ARVCF: variants seen among roughly 807,000 people sequenced by gnomAD.
ARVCF encodes the protein splicing regulator ARVCF.
In ARVCF, 66 loss-of-function variants were observed where a neutral mutation model predicts 90.9. The observed-to-expected ratio is 0.73, with a 90% CI of 0.60 to 0.89. ARVCF has a LOEUF of 0.89. Ranked by LOEUF, ARVCF falls within the 40% of genes least tolerant of loss-of-function variation. ARVCF has a pLI of 0.00. For synonymous variants in ARVCF, 653 were observed against 603.4 expected, an observed-to-expected ratio of 1.08 and a Z score of -1.21; for missense variants, 1,469 against 1,382.3, an observed-to-expected ratio of 1.06 and a Z score of -1.00.
At chr22:19,982,150 G>C in intron 3 of ARVCF, 59 bp from the exon 4 acceptor site, 22 of 1,587,932 alleles carry the variant, frequency 1.4e-5, no homozygotes, top group Non-Finnish European at 1.9e-5. Context: ...CTGGAGTGCA[G>C]GTCTCCACAC....
At chr22:20,007,292 C>G (rs927797859) in intron 2 of ARVCF, among the ~76,000 whole-genome samples, 1 of 152,164 alleles carries the variant, frequency 6.6e-6, no homozygotes, top group South Asian at 2.1e-4. Flanking sequence ...ATCCCAGCTA[C>G]TCGGGAGGTT....
chr22:19,975,388 G>A (rs958650144), intron 11 of ARVCF, among the ~76,000 whole-genome samples: 14 of 152,290 alleles, frequency 9.2e-5, no homozygotes, highest in South Asian at 8.3e-4. Flanking sequence ...CACTGGAGGC[G>A]TCCCTCCAAA....
chr22:20,014,612 C>T (rs866450635), intron 1 of ARVCF, among the ~76,000 whole-genome samples: 4 of 152,230 alleles, frequency 2.6e-5, no homozygotes. Context: ...CAGTGCTGTC[C>T]CTGGACCCCC....
At chr22:20,003,961 C>T (rs1027909787) in intron 2 of ARVCF, among the ~76,000 whole-genome samples, 10 of 151,780 alleles carry the variant, frequency 6.6e-5, no homozygotes, top group Non-Finnish European at 1.5e-4. Flanking sequence ...TATATAAAAC[C>T]GTAAAGATTC....
chr22:20,005,358 T>A (rs1277001425), intron 2 of ARVCF, among the ~76,000 whole-genome samples: 1 of 148,062 alleles, frequency 6.8e-6, no homozygotes, highest in African/African-American at 2.5e-5. Flanking sequence ...TTACACCTAT[T>A]AGGATGGCTA....
At chr22:19,968,007 G>A (rs1322507423), downstream of ARVCF, among the ~76,000 whole-genome samples, 1 of 152,202 alleles carries the variant, frequency 6.6e-6, no homozygotes, top group African/African-American at 2.4e-5. Context: ...TGAAGATGGG[G>A]GGTCTGCAAA....
chr22:20,014,150 G>C (rs1944937785), intron 1 of ARVCF, among the ~76,000 whole-genome samples: 1 of 150,896 alleles, frequency 6.6e-6, no homozygotes, highest in Admixed American at 6.6e-5. Context: ...AAAGTGCTGG[G>C]ATTACAGGTA....
intron 2 of ARVCF, among the ~76,000 whole-genome samples, chr22:19,998,157 G>A (rs1944321199): frequency 6.6e-6 from 1 of 152,250 alleles, no homozygotes; most frequent in Admixed American, 6.5e-5. Flanking sequence ...CCACCAGGCT[G>A]AGGGGCCTCA....
chr22:19,980,602 A>C, intron 5 of ARVCF: 3 of 237,886 alleles, frequency 1.3e-5, no homozygotes, highest in Non-Finnish European at 2.4e-5. Flanking sequence ...CCTTCCACAA[A>C]ACCACCCCAT....
intron 19 of ARVCF, 75 bp from the exon 20 acceptor site, chr22:19,970,818 C>T: frequency 7.8e-7 from 1 of 1,289,218 alleles, no homozygotes; most frequent in African/African-American, 1.5e-5. Context: ...CAGGGCAGGG[C>T]AGCCAACTCC....
rs772873012 is a variant in ARVCF at position 19,972,422 on chromosome 22, G to T, written c.2642-11C>A. 2.4e-5 allele frequency: 39 copies of T among 1,613,316 alleles called. No homozygotes were observed. The highest frequency in any genetic ancestry group is 3.3e-5 in the Non-Finnish European group (39 of 1,179,926). ...CAGTTTTCTCGCCCTCTGCAAGGCA[G>T]GAGGAGGAGACGGGCTGCATGTGGC... On this transcript the variant is annotated splice_polypyrimidine_tract_variant and intron_variant, in intron 16 of 19. Coordinates refer to ENST00000263207, the MANE Select transcript of ARVCF (RefSeq NM_001670.3).
chr22:19,973,431 G>C (rs1942960899), intron 13 of ARVCF, 114 bp from the exon 14 acceptor site: 2 of 1,344,182 alleles, frequency 1.5e-6, no homozygotes, highest in Non-Finnish European at 2.0e-6. Context: ...GACCGCCTGT[G>C]TGCAGGCGGT....
intron 2 of ARVCF, among the ~76,000 whole-genome samples, chr22:20,003,049 C>A (rs1944499206): frequency 6.6e-6 from 1 of 152,088 alleles, no homozygotes; most frequent in Non-Finnish European, 1.5e-5. Context: ...TTTTCCTTTT[C>A]TTTGTATAAC....
chr22:20,003,682 T>A (rs1944521492), intron 2 of ARVCF, among the ~76,000 whole-genome samples: 1 of 152,154 alleles, frequency 6.6e-6, no homozygotes, highest in Non-Finnish European at 1.5e-5. Context: ...TAGTCTGTCA[T>A]GATAAAAACA....
chr22:19,980,173 C>T lies in ARVCF; in HGVS notation c.966G>A (p.Thr322=), dbSNP rs574378648. ...ADERPAFPMV[T]APLAQPERGS... is the part of the protein sequence containing the mutation. ...CCCGTTCAGGCTGGGCCAGGGGCGC[C>T]GTCACCATTGGGAACGCAGGCCGCT... Residue 322 remains threonine, a synonymous_variant, in exon 6 of 20, where the codon ACG becomes ACA. Coordinates refer to ENST00000263207, the MANE Select transcript of ARVCF (RefSeq NM_001670.3). 11 of 1,578,286 alleles carry T rather than the reference C, an allele frequency of 7.0e-6. No individual in the cohort carries two copies. Among genetic ancestry groups the T allele is most frequent in the African/African-American group, 2.7e-5 (2 of 74,340 alleles).
At chr22:19,978,860 T>C (rs1943313761) in intron 7 of ARVCF, 37 bp downstream of exon 7, 1 of 1,584,010 alleles carries the variant, frequency 6.3e-7, no homozygotes, top group East Asian at 2.3e-5. Context: ...CGGGGCCTGG[T>C]GTGCATGTGG....
In ARVCF at chr22:19,990,770, C is replaced by T. The variant is rs564039429; in HGVS notation, c.25G>A (p.Ala9Thr). The T allele has an allele frequency of 3.8e-6, 6 of 1,576,932 alleles. No individual in the cohort carries two copies. Among genetic ancestry groups the T allele is most frequent in the Non-Finnish European group, 4.3e-6 (5 of 1,160,562 alleles). Residue 9 changes from alanine to threonine, a missense_variant, in exon 3 of 20, where the codon GCC becomes ACC. Physicochemically the swap from Ala to Thr is moderately conservative, Grantham distance 58. Coordinates refer to ENST00000263207, the MANE Select transcript of ARVCF (RefSeq NM_001670.3). ...TTCACCGAGGCCAGGATGCTGGCGG[C>T]CGAGTGCACATTGCAGTCCTCCATG... Reference protein sequence around the residue: MEDCNVHSAASILASVKEQ... With the variant: MEDCNVHSTASILASVKEQ...
rs1943494105 is a variant in ARVCF at position 19,981,449 on chromosome 22, G to A, written c.658C>T (p.Pro220Ser). 1 of 1,548,960 alleles carries A rather than the reference G, an allele frequency of 6.5e-7. No individual in the cohort carries two copies. Among genetic ancestry groups the A allele is most frequent in the Non-Finnish European group, 8.7e-7 (1 of 1,148,922 alleles). ...GTGAAGCAGCCATCACCAGGGCCTGGGCCAAGGGGGCCAGCACGTGGGGGC... is the reference window on the plus strand; with the variant it reads ...GTGAAGCAGCCATCACCAGGGCCTGAGCCAAGGGGGCCAGCACGTGGGGGC... ...MRPPRAGPLG[P>S]GPGDGCFTLP... Residue 220 changes from proline to serine, a missense_variant, in exon 5 of 20, where the codon CCA becomes TCA. Pro to Ser is a moderately conservative substitution (Grantham distance 74, BLOSUM62 -1). Coordinates refer to ENST00000263207, the MANE Select transcript of ARVCF (RefSeq NM_001670.3).
chr22:19,974,254 A>G lies in ARVCF; in HGVS notation c.1961-15T>C. ...CAGCTCAAAGCCTAGGTGCAGGGCA[A>G]CCGCCACCCACGGTCACCCAGAATC... On this transcript the variant is annotated splice_polypyrimidine_tract_variant and intron_variant, in intron 11 of 19. Transcript: ENST00000263207. The G allele has an allele frequency of 6.3e-7, 1 of 1,587,994 alleles. No homozygotes were observed. The highest frequency in any genetic ancestry group is 1.1e-5 in the South Asian group (1 of 89,696).
Sources: allele counts gnomAD v4.1 joint callset (sites outside exome capture counted in the v4.1 genomes callset), GRCh38; gene constraint gnomAD v4.1.1; transcripts MANE v1.5; gene names NCBI Gene and HGNC (gene_info 2026-07-23, HGNC 2026-07-21).